Variants in SNX29 observed in about 807,000 individuals in gnomAD.
The protein encoded by SNX29 is sorting nexin 29, also known as sorting nexin-29.
SNX29 carries 78 observed loss-of-function variants against 102.1 expected under a neutral mutation model. That is an observed-to-expected ratio of 0.76 (90% CI 0.64 to 0.92). The LOEUF (loss-of-function observed/expected upper bound fraction) is 0.92. Among genes scored for constraint, SNX29 ranks in the 40% least tolerant of loss-of-function variants. The pLI is 0.00. For synonymous variants in SNX29, 580 were observed against 414.5 expected, an observed-to-expected ratio of 1.40 and a Z score of -4.85; for missense variants, 1,280 against 1,061.7, an observed-to-expected ratio of 1.21 and a Z score of -2.86.
chr16:12,513,324 C>G (rs940204883), intron 19 of SNX29, among the ~76,000 whole-genome samples: 1 of 144,106 alleles, frequency 6.9e-6, no homozygotes, highest in Non-Finnish European at 1.5e-5. Flanking sequence ...TCTCTCCCTT[C>G]CCCTGCCTGC....
intron 20 of SNX29, among the ~76,000 whole-genome samples, chr16:12,545,794 C>T (rs535725127): frequency 6.6e-6 from 1 of 152,182 alleles, no homozygotes; most frequent in Admixed American, 6.5e-5. Context: ...CACCACTAGG[C>T]ATACAGGGGC....
chr16:12,181,613 C>T (rs546608832), intron 13 of SNX29, among the ~76,000 whole-genome samples: 22 of 151,882 alleles, frequency 1.4e-4, no homozygotes, highest in Non-Finnish European at 2.8e-4. Context: ...TTTCCTTTCA[C>T]TTTCCTTCCA....
intron 14 of SNX29, among the ~76,000 whole-genome samples, chr16:12,233,659 G>C (rs1450334125): frequency 6.6e-6 from 1 of 152,132 alleles, no homozygotes; most frequent in African/African-American, 2.4e-5. Context: ...CATCTATTTA[G>C]TGTATGATTT....
At chr16:12,488,347 C>G (rs1008207019) in intron 19 of SNX29, among the ~76,000 whole-genome samples, 2 of 152,032 alleles carry the variant, frequency 1.3e-5, no homozygotes, top group African/African-American at 4.8e-5. Flanking sequence ...GAAGTCTTCC[C>G]TGACTTCAAA....
chr16:12,407,781 T>C (rs1164763894), intron 18 of SNX29, among the ~76,000 whole-genome samples: 2 of 152,336 alleles, frequency 1.3e-5, no homozygotes, highest in East Asian at 3.9e-4. Context: ...TCTTTAGAGA[T>C]TCTGTGTTAC....
At chr16:12,499,353 A>G (rs2088992517) in intron 19 of SNX29, among the ~76,000 whole-genome samples, 1 of 152,184 alleles carries the variant, frequency 6.6e-6, no homozygotes, top group African/African-American at 2.4e-5. Flanking sequence ...CTTCACTGCT[A>G]AGTTCCAGGT....
At position 12,573,312 on chromosome 16, in the gene SNX29, T is replaced by C; in HGVS notation, c.*4683T>C. The C allele has an allele frequency of 4.4e-6, 1 of 226,400 alleles. No homozygotes were observed. Among genetic ancestry groups the C allele is most frequent in the East Asian group, 6.4e-5 (1 of 15,730 alleles). 14.0% of individuals were successfully genotyped at this position (226,400 alleles called of 1,614,324 possible). A position where few individuals can be genotyped will look rare whatever the true frequency, so the allele number is the denominator to read the frequency against. On this transcript the variant is annotated 3_prime_UTR_variant, in exon 21 of 21. Transcript: ENST00000566228. ...GCCATTGCCATCTTATGGGCCCGAT[T>C]TGGGTACTCTGAATTATGTCATGGA...
intron 15 of SNX29, among the ~76,000 whole-genome samples, chr16:12,306,235 C>T (rs763386702): frequency 3.3e-5 from 5 of 152,074 alleles, no homozygotes; most frequent in African/African-American, 4.8e-5. Context: ...AGAGTTGCAT[C>T]GAAATTCTGT....
At chr16:12,435,725 C>T (rs2085503784) in intron 18 of SNX29, among the ~76,000 whole-genome samples, 2 of 152,212 alleles carry the variant, frequency 1.3e-5, no homozygotes, top group Non-Finnish European at 2.9e-5. Flanking sequence ...TCCTAGAAGG[C>T]CCCAGCTGGA....
chr16:12,520,555 G>A lies in SNX29; in HGVS notation c.2179-4147G>A, dbSNP rs185932532. ...CTGAGAAACGAGCATGAGTGAAGAT[G>A]TCACAGACATCAATGGATAAAGAAA... is the stretch of plus-strand genomic sequence containing the variant. On this transcript the variant is annotated intron_variant, in intron 19 of 20. Coordinates refer to ENST00000566228, the MANE Select transcript of SNX29 (RefSeq NM_032167.5). 3.0e-4 allele frequency among the ~76,000 whole-genome samples: 45 copies of A among 152,274 alleles called. No individual in the cohort carries two copies. The East Asian group carries it at 7.7e-3, about 26-fold the overall frequency.
intron 11 of SNX29, among the ~76,000 whole-genome samples, chr16:12,122,440 C>T (rs1036288707): frequency 1.3e-5 from 2 of 152,030 alleles, no homozygotes; most frequent in Non-Finnish European, 2.9e-5. Flanking sequence ...CGGACTCCCA[C>T]GACTGCTATA....
chr16:12,502,100 C>T (rs532172147), intron 19 of SNX29, among the ~76,000 whole-genome samples: 4 of 152,168 alleles, frequency 2.6e-5, no homozygotes, highest in Admixed American at 6.5e-5. Flanking sequence ...GGACTGCCTC[C>T]GAGCTGGGCA....
At chr16:12,404,483 A>G (rs2084086126) in intron 18 of SNX29, among the ~76,000 whole-genome samples, 1 of 152,012 alleles carries the variant, frequency 6.6e-6, no homozygotes, top group Non-Finnish European at 1.5e-5. Context: ...CTTTGTTCTC[A>G]GTGCTGAGCC....
chr16:12,229,057 C>T lies in SNX29; in HGVS notation c.1678+29374C>T, dbSNP rs1261902474. Among the ~76,000 whole-genome samples the T allele has an allele frequency of 2.6e-5, 4 of 152,258 alleles. No homozygotes were observed. In the East Asian group the frequency reaches 7.7e-4, roughly 29 times the overall value. On this transcript the variant is annotated intron_variant, in intron 14 of 20. Coordinates refer to ENST00000566228, the MANE Select transcript of SNX29 (RefSeq NM_032167.5). ...CTTCACACAGACCTTGGACTTGCCA[C>T]CTCCTCAGAGAGCCATTCCCTGGCC...
At chr16:12,567,257 C>G (rs1433881962) in intron 20 of SNX29, among the ~76,000 whole-genome samples, 1 of 152,210 alleles carries the variant, frequency 6.6e-6, no homozygotes, top group East Asian at 1.9e-4. Context: ...TCCTGTCTTC[C>G]CTTGTAGGGT....
chr16:12,554,720 TCA>T (rs2078215318), intron 20 of SNX29, among the ~76,000 whole-genome samples: 1 of 152,136 alleles, frequency 6.6e-6, no homozygotes, highest in African/African-American at 2.4e-5. Flanking sequence ...CAGCTGTCTT[TCA>T]GTCTTTCAGT....
chr16:12,558,814 C>T (rs759067565), intron 20 of SNX29, among the ~76,000 whole-genome samples: 10 of 152,146 alleles, frequency 6.6e-5, no homozygotes, highest in Non-Finnish European at 1.2e-4. Context: ...TAAGGGCTCC[C>T]TAGGGGCAGG....
chr16:12,429,333 G>A (rs565589710), intron 18 of SNX29, among the ~76,000 whole-genome samples: 10 of 152,324 alleles, frequency 6.6e-5, no homozygotes, highest in African/African-American at 2.4e-4. Context: ...ACATAGATAC[G>A]ATTGCAGTTG....
intron 16 of SNX29, among the ~76,000 whole-genome samples, chr16:12,391,352 C>G (rs901282392): frequency 3.3e-5 from 5 of 152,292 alleles, no homozygotes; most frequent in African/African-American, 1.2e-4. Context: ...TCTCTGATCC[C>G]TTTTCTCCTA....
Sources: gnomAD v4.1 joint callset for allele counts (sites outside exome capture counted in the v4.1 genomes callset) on GRCh38, gnomAD v4.1.1 for gene constraint, MANE v1.5 for transcripts, NCBI Gene and HGNC (gene_info 2026-07-23, HGNC 2026-07-21) for gene names.